STK32C: variants seen among roughly 807,000 people sequenced by gnomAD.
STK32C encodes serine/threonine kinase 32C, also known as serine/threonine-protein kinase 32C.
In STK32C, 31 loss-of-function variants were observed where a neutral mutation model predicts 56.5. The ratio of observed to expected loss-of-function variants is 0.55; its 90% confidence interval spans 0.41 to 0.74. The LOEUF is 0.74. STK32C is among the 30% of genes least tolerant of loss of function. STK32C has a pLI of 0.00. For synonymous variants in STK32C, 309 were observed against 289.4 expected, an observed-to-expected ratio of 1.07 and a Z score of -0.69; for missense variants, 544 against 676.9, an observed-to-expected ratio of 0.80 and a Z score of 2.18.
At chr10:132,331,528 C>T (rs2066740273) in exon 1 of STK32C, 2 of 1,612,834 alleles carry the variant, frequency 1.2e-6, no homozygotes, top group African/African-American at 1.3e-5. Context: ...GGCAGCAAGT[C>T]CTGAGGCAAG....
rs894455838 is a variant in STK32C, at chr10:132,255,260, C to T, written c.263-9305G>A. Among the ~76,000 whole-genome samples the T allele has an allele frequency of 2.6e-5, 4 of 152,090 alleles. No individual in the cohort carries two copies. Among genetic ancestry groups the T allele is most frequent in the Non-Finnish European group, 4.4e-5 (3 of 68,014 alleles). On this transcript the variant is annotated intron_variant, in intron 1 of 11. Coordinates refer to ENST00000298630, the MANE Select transcript of STK32C (RefSeq NM_173575.4). The surrounding 1 kb of genome is among the most constrained non-coding windows in gnomAD (Gnocchi z 4.6). The stretch of plus-strand genomic sequence containing the variant: ...AGCCTCTGGGGATGTCTGGCCCACA[C>T]GGGGCTCCTGACTTAGGAAATACCG...
chr10:132,331,179 A>C (rs995372530), intron 1 of STK32C, among the ~76,000 whole-genome samples: 6 of 133,428 alleles, frequency 4.5e-5, no homozygotes, highest in Admixed American at 2.5e-4. Flanking sequence ...CCAGCCTGGG[A>C]GACAAAGCAA....
chr10:132,253,092 G>T (rs186292275), intron 1 of STK32C, among the ~76,000 whole-genome samples: 1 of 152,220 alleles, frequency 6.6e-6, no homozygotes, highest in Non-Finnish European at 1.5e-5. Context: ...AGGGACGTTC[G>T]TCCTCCCTAA....
At chr10:132,225,861 G>C in intron 4 of STK32C, 77 bp from the exon 5 acceptor site, 3 of 1,585,806 alleles carry the variant, frequency 1.9e-6, no homozygotes, top group African/African-American at 2.7e-5. Context: ...CACAATCCCT[G>C]GAGTCCCCAG....
At chr10:132,228,999 C>A (rs1042343394) in intron 2 of STK32C, among the ~76,000 whole-genome samples, 2 of 152,336 alleles carry the variant, frequency 1.3e-5, no homozygotes, top group South Asian at 2.1e-4. Context: ...CGCAAACACA[C>A]GGCTAATTGC....
intron 1 of STK32C, among the ~76,000 whole-genome samples, chr10:132,256,297 G>A (rs1348397297): frequency 4.6e-5 from 7 of 152,048 alleles, no homozygotes; most frequent in African/African-American, 1.4e-4. Flanking sequence ...CCCTGTTGGC[G>A]GCAGCATTCT....
chr10:132,316,883 G>A (rs565328533), intron 1 of STK32C, among the ~76,000 whole-genome samples: 42 of 151,366 alleles, frequency 2.8e-4, no homozygotes, highest in African/African-American at 7.8e-4. Flanking sequence ...ATGAAACCCC[G>A]ACTCTAAAAC....
intron 10 of STK32C, among the ~76,000 whole-genome samples, chr10:132,221,765 C>T (rs1453298830): frequency 7.7e-6 from 1 of 130,714 alleles, no homozygotes; most frequent in Non-Finnish European, 1.6e-5. Context: ...CAACCAAAGC[C>T]AGCACACCTG....
chr10:132,268,188 T>C (rs1252237724), intron 1 of STK32C, among the ~76,000 whole-genome samples: 2 of 145,090 alleles, frequency 1.4e-5, no homozygotes, highest in East Asian at 4.4e-4. Context: ...TGTATGCAGG[T>C]TCAGCTCTAT....
At chr10:132,325,888 A>AT (rs2066490180) in intron 1 of STK32C, among the ~76,000 whole-genome samples, 1 of 151,722 alleles carries the variant, frequency 6.6e-6, no homozygotes, top group African/African-American at 2.4e-5. Context: ...CGCCCAGCTA[A>AT]TTTTTTGTAT....
In STK32C at chr10:132,307,091, G is replaced by A. The variant is rs2066096571; in HGVS notation, c.262+481C>T. On this transcript the variant is annotated intron_variant, in intron 1 of 11. Coordinates refer to ENST00000298630, the MANE Select transcript of STK32C (RefSeq NM_173575.4). The surrounding 1 kb of genome is among the most constrained non-coding windows in gnomAD (Gnocchi z 4.4). The stretch of plus-strand genomic sequence containing the variant: ...CTCCAGCGCACATGGGTGAGCAGAG[G>A]ATGGACACCGCGCGGTCACCAAGGA... The A allele has an allele frequency of 6.5e-6, 1 of 152,894 alleles. No individual in the cohort carries two copies. Among genetic ancestry groups the A allele is most frequent in the Admixed American group, 6.5e-5 (1 of 15,290 alleles). The allele number at this position is 152,894 out of a possible 1,614,324, so 9.5% of individuals were successfully genotyped here.
At chr10:132,232,573 G>A (rs1398809538) in intron 2 of STK32C, among the ~76,000 whole-genome samples, 1 of 152,124 alleles carries the variant, frequency 6.6e-6, no homozygotes, top group Non-Finnish European at 1.5e-5. Context: ...GCTTCCTCCA[G>A]GAAACTGGTC....
intron 1 of STK32C, among the ~76,000 whole-genome samples, chr10:132,260,360 G>A (rs577423148): frequency 3.3e-5 from 5 of 152,266 alleles, no homozygotes; most frequent in South Asian, 4.2e-4. Context: ...CCAACTGCAC[G>A]GAAGAGGCAG....
At chr10:132,319,970 C>G (rs181908427), downstream of STK32C, among the ~76,000 whole-genome samples, 1 of 151,240 alleles carries the variant, frequency 6.6e-6, no homozygotes, top group African/African-American at 2.4e-5. Flanking sequence ...TCACTGCAAC[C>G]TCCGCCTCCC....
intron 11 of STK32C, 104 bp from the exon 12 acceptor site, chr10:132,208,255 C>T: frequency 8.1e-7 from 1 of 1,228,116 alleles, no homozygotes; most frequent in Non-Finnish European, 1.0e-6. Flanking sequence ...GGCGTGGATG[C>T]CCAAACGTGG....
At chr10:132,266,937 C>T (rs115135437) in intron 1 of STK32C, among the ~76,000 whole-genome samples, 3 of 152,164 alleles carry the variant, frequency 2.0e-5, no homozygotes, top group East Asian at 3.9e-4. Context: ...GGGAGGGCTG[C>T]GCGGACGAGG....
intron 2 of STK32C, among the ~76,000 whole-genome samples, chr10:132,240,790 G>A (rs538039429): frequency 2.6e-4 from 39 of 152,226 alleles, no homozygotes; most frequent in African/African-American, 8.9e-4. Flanking sequence ...AGAGAGGAGA[G>A]GGCAGAGACC....
chr10:132,291,162 C>T (rs781170020), intron 1 of STK32C, among the ~76,000 whole-genome samples: 8 of 152,356 alleles, frequency 5.3e-5, no homozygotes, highest in Non-Finnish European at 7.3e-5. Flanking sequence ...TCTGAACCTT[C>T]CAATTAGCTC....
chr10:132,207,943 A>G lies in STK32C; in HGVS notation c.*67T>C, dbSNP rs993714991. The G allele has an allele frequency of 3.5e-5, 44 of 1,259,714 alleles. No individual in the cohort carries two copies. The highest frequency in any genetic ancestry group is 1.2e-4 in the Admixed American group (3 of 25,108). 78.0% of individuals were successfully genotyped at this position (1,259,714 alleles called of 1,614,324 possible). ...GAACGTGAATGCCAGGCCTCGGCCCATGGCCCTCCCTCTGGCAGCCGAGTC... is the reference window on the plus strand; with the variant it reads ...GAACGTGAATGCCAGGCCTCGGCCCGTGGCCCTCCCTCTGGCAGCCGAGTC... On this transcript the variant is annotated 3_prime_UTR_variant, in exon 12 of 12. Coordinates refer to ENST00000298630, the MANE Select transcript of STK32C (RefSeq NM_173575.4).
Sources: allele counts gnomAD v4.1 joint callset (sites outside exome capture counted in the v4.1 genomes callset), GRCh38; gene constraint gnomAD v4.1.1; non-coding constraint Gnocchi (gnomAD v3.1); transcripts MANE v1.5; gene names NCBI Gene and HGNC (gene_info 2026-07-23, HGNC 2026-07-21).